The following CCDC171 variants were observed in gnomAD, a reference collection of about 807,000 sequenced individuals.
CCDC171 encodes coiled-coil domain containing 171, also known as coiled-coil domain-containing protein 171.
Under a neutral mutation model 168.2 loss-of-function variants are expected in CCDC171, and 177 were observed. The observed-to-expected ratio is 1.05, with a 90% CI of 0.93 to 1.19. CCDC171 has a LOEUF of 1.19. CCDC171 is among the 50% of genes most tolerant of loss of function. The probability of loss-of-function intolerance (pLI) is 0.00; values close to 1 mark genes in which losing one functional copy is unlikely to be tolerated. For missense variants in CCDC171, 1,991 were observed against 1,539.0 expected (o/e 1.29, Z -4.91); for synonymous variants, 687 against 540.8 (o/e 1.27, Z -3.75).
intron 24 of CCDC171, among the ~76,000 whole-genome samples, chr9:15,913,144 T>G (rs543812394): frequency 7.2e-5 from 11 of 152,236 alleles, no homozygotes; most frequent in Non-Finnish European, 1.2e-4. Context: ...CTGATAGAAT[T>G]CCACTGTGAA....
intron 7 of CCDC171, among the ~76,000 whole-genome samples, chr9:15,650,429 T>C (rs1264658011): frequency 2.6e-5 from 4 of 152,066 alleles, no homozygotes; most frequent in Admixed American, 6.6e-5. Context: ...ATTATAGCCA[T>C]GTAGTGGGTG....
chr9:15,745,088 A>G (rs2055176912), intron 17 of CCDC171, among the ~76,000 whole-genome samples: 1 of 152,200 alleles, frequency 6.6e-6, no homozygotes, highest in East Asian at 1.9e-4. Flanking sequence ...CAGTTATGTC[A>G]ATCAAAAACT....
chr9:16,009,837 T>C (rs1171401918), intron 3 of CCDC171, among the ~76,000 whole-genome samples: 2 of 152,128 alleles, frequency 1.3e-5, no homozygotes, highest in African/African-American at 4.8e-5. Flanking sequence ...TAAAAATAAA[T>C]TTGAGGAAAA....
chr9:15,683,244 A>G (rs973859488), intron 10 of CCDC171, among the ~76,000 whole-genome samples: 2 of 151,890 alleles, frequency 1.3e-5, no homozygotes, highest in Admixed American at 6.6e-5. Context: ...TTTTTCCCCA[A>G]TACTTTTGGG....
At chr9:15,893,786 C>G (rs1419381020) in intron 24 of CCDC171, among the ~76,000 whole-genome samples, 1 of 152,048 alleles carries the variant, frequency 6.6e-6, no homozygotes, top group African/African-American at 2.4e-5. Flanking sequence ...AACACAGATG[C>G]TGGTGAGGTC....
chr9:15,828,703 A>G (rs764257539), intron 21 of CCDC171, among the ~76,000 whole-genome samples: 1 of 152,260 alleles, frequency 6.6e-6, no homozygotes, highest in Non-Finnish European at 1.5e-5. Context: ...TCAAAGAATG[A>G]AAACTATTTT....
intron 25 of CCDC171, among the ~76,000 whole-genome samples, chr9:15,931,790 T>C (rs1007284378): frequency 6.6e-6 from 1 of 151,792 alleles, no homozygotes; most frequent in African/African-American, 2.4e-5. Context: ...TTTGAGTTGA[T>C]TTTTGGATAT....
At chr9:15,932,085 G>A (rs1249167249) in intron 25 of CCDC171, among the ~76,000 whole-genome samples, 1 of 151,592 alleles carries the variant, frequency 6.6e-6, no homozygotes, top group East Asian at 1.9e-4. Context: ...GCTATTCAGG[G>A]TTTTTGTGTG....
At position 15,773,464 on chromosome 9, in the gene CCDC171, T is replaced by C. The variant is rs138930632; in HGVS notation, c.2672-4136T>C. ...GATTTTAGCCCTAGATGTACATTTT[T>C]CCCCCTTCTATTGGAAAAAGTAATT... On this transcript the variant is annotated intron_variant, in intron 18 of 25. Coordinates refer to ENST00000380701, the MANE Select transcript of CCDC171 (RefSeq NM_173550.4). Among the ~76,000 whole-genome samples the C allele has an allele frequency of 6.5e-3, 996 of 152,268 alleles. 17 individuals are homozygous for C. The highest frequency in any genetic ancestry group is 0.023 in the African/African-American group (937 of 41,550).
chr9:15,970,990 C>T (rs1003851563), intron 25 of CCDC171, among the ~76,000 whole-genome samples: 1 of 151,918 alleles, frequency 6.6e-6, no homozygotes, highest in Non-Finnish European at 1.5e-5. Context: ...TGCACGTGTA[C>T]CCCTGAACCT....
At chr9:15,761,322 T>C (rs2056434127) in intron 18 of CCDC171, among the ~76,000 whole-genome samples, 2 of 152,182 alleles carry the variant, frequency 1.3e-5, no homozygotes, top group African/African-American at 4.8e-5. Flanking sequence ...CAACTCAACA[T>C]TGAGGTTTCA....
chr9:16,032,317 C>T (rs1443447227), intron 6 of CCDC171, among the ~76,000 whole-genome samples: 1 of 151,980 alleles, frequency 6.6e-6, no homozygotes, highest in East Asian at 1.9e-4. Context: ...TAACCTGACA[C>T]CTGAGGGGAA....
chr9:15,881,187 A>G (rs1818589773), intron 24 of CCDC171, among the ~76,000 whole-genome samples: 2 of 152,186 alleles, frequency 1.3e-5, no homozygotes, highest in African/African-American at 4.8e-5. Context: ...TACTCTGAAG[A>G]TTTCATATTG....
At chr9:15,766,953 C>G (rs377253814) in intron 18 of CCDC171, among the ~76,000 whole-genome samples, 1 of 152,276 alleles carries the variant, frequency 6.6e-6, no homozygotes, top group East Asian at 1.9e-4. Flanking sequence ...TGAGCCACTG[C>G]ACCTGGTTTC....
chr9:15,810,680 C>G (rs1324824363), intron 21 of CCDC171, among the ~76,000 whole-genome samples: 1 of 152,210 alleles, frequency 6.6e-6, no homozygotes, highest in East Asian at 1.9e-4. Context: ...GCCGGCAGTG[C>G]CGGCTGGCTG....
intron 21 of CCDC171, among the ~76,000 whole-genome samples, chr9:15,797,065 AATTTT>A (rs2058592245): frequency 6.6e-6 from 1 of 152,100 alleles, no homozygotes; most frequent in African/African-American, 2.4e-5. Flanking sequence ...CACTGTCTTT[AATTTT>A]ATCTGTTATA....
intron 24 of CCDC171, among the ~76,000 whole-genome samples, chr9:15,913,178 G>T (rs1429406920): frequency 2.0e-5 from 3 of 151,498 alleles, no homozygotes; most frequent in Non-Finnish European, 4.4e-5. Context: ...GGGCTTTTTT[G>T]GTTGGTAATT....
intron 18 of CCDC171, among the ~76,000 whole-genome samples, chr9:15,766,508 A>G (rs1161712828): frequency 6.6e-6 from 1 of 152,028 alleles, no homozygotes; most frequent in East Asian, 1.9e-4. Context: ...CAGAAGGGCA[A>G]TGGAAATATG....
chr9:15,804,555 A>AC (rs2058987148), intron 21 of CCDC171, among the ~76,000 whole-genome samples: 1 of 151,894 alleles, frequency 6.6e-6, no homozygotes. Context: ...AGTACAGTGA[A>AC]CCCCAACCTT....
Sources: allele counts gnomAD v4.1 joint callset (sites outside exome capture counted in the v4.1 genomes callset), GRCh38; gene constraint gnomAD v4.1.1; transcripts MANE v1.5; gene names NCBI Gene and HGNC (gene_info 2026-07-23, HGNC 2026-07-21).